Variants in DLG1 observed in about 807,000 individuals in gnomAD.
DLG1 encodes the protein disks large homolog 1.
DLG1 carries 42 observed loss-of-function variants against 123.4 expected under a neutral mutation model. The ratio of observed to expected loss-of-function variants is 0.34; its 90% confidence interval spans 0.27 to 0.44. DLG1 has a LOEUF of 0.44. Ranked by LOEUF, DLG1 falls within the 20% of genes least tolerant of loss-of-function variation. The probability of loss-of-function intolerance (pLI) is 1.00; values close to 1 mark genes in which losing one functional copy is unlikely to be tolerated. For missense variants in DLG1, 942 were observed against 1,082.6 expected, an observed-to-expected ratio of 0.87 and a Z score of 1.82; for synonymous variants, 317 against 356.2, an observed-to-expected ratio of 0.89 and a Z score of 1.24.
rs559623291 is a variant in DLG1 at position 197,122,009 on chromosome 3, AATAACATTCT to A, written c.1166-2489_1166-2480del. The stretch of plus-strand genomic sequence containing the variant: ...AATTCAACAAAACATCTAGAGATGA[AATAACATTCT>A]GAAACATTACAAGACAGAAAAATTT... On this transcript the variant is annotated intron_variant, in intron 11 of 24. Coordinates refer to ENST00000667157, the MANE Select transcript of DLG1 (RefSeq NM_001366207.1). Among the ~76,000 whole-genome samples, 92 of 152,156 alleles carry A rather than the reference AATAACATTCT, an allele frequency of 6.0e-4. 1 individual carries two copies. Among genetic ancestry groups the A allele is most frequent in the African/African-American group, 2.1e-3 (89 of 41,530 alleles).
chr3:197,125,378 T>G (rs1778501389), intron 11 of DLG1, among the ~76,000 whole-genome samples: 1 of 152,164 alleles, frequency 6.6e-6, no homozygotes, highest in African/African-American at 2.4e-5. Flanking sequence ...TAGCAGAGTT[T>G]GCCTGCACCA....
intron 4 of DLG1, among the ~76,000 whole-genome samples, chr3:197,267,390 T>A (rs1019506868): frequency 6.6e-6 from 1 of 152,158 alleles, no homozygotes; most frequent in African/African-American, 2.4e-5. Context: ...TCATACAATG[T>A]CTATAATCTC....
At chr3:197,092,129 A>G (rs959282085) in intron 14 of DLG1, among the ~76,000 whole-genome samples, 1 of 152,176 alleles carries the variant, frequency 6.6e-6, no homozygotes, top group African/African-American at 2.4e-5. Flanking sequence ...ATAAATATCA[A>G]TCCATGGCAA....
intron 22 of DLG1, among the ~76,000 whole-genome samples, chr3:197,060,559 C>T (rs1735071950): frequency 6.6e-6 from 1 of 152,130 alleles, no homozygotes; most frequent in Non-Finnish European, 1.5e-5. Flanking sequence ...TTTAAATAAA[C>T]AAATTTGTGA....
chr3:197,046,781 G>C (rs1050936428), intron 24 of DLG1, among the ~76,000 whole-genome samples: 1 of 151,818 alleles, frequency 6.6e-6, no homozygotes, highest in Non-Finnish European at 1.5e-5. Flanking sequence ...GAGGTGGGAG[G>C]ATCACTTGAG....
chr3:197,199,959 T>C (rs1724744220), intron 4 of DLG1, among the ~76,000 whole-genome samples: 1 of 152,182 alleles, frequency 6.6e-6, no homozygotes, highest in African/African-American at 2.4e-5. Context: ...CATCCTTTTT[T>C]ATGTTTTTCA....
intron 18 of DLG1, chr3:197,070,189 T>C (rs1306029981): frequency 6.6e-6 from 1 of 151,098 alleles, no homozygotes; most frequent in African/African-American, 2.4e-5. Context: ...TTTTAAAAAA[T>C]AAAAATAAAA....
At chr3:197,068,511 A>T in intron 19 of DLG1, 3 of 1,581,890 alleles carry the variant, frequency 1.9e-6, no homozygotes, top group Non-Finnish European at 2.6e-6. Flanking sequence ...CCTTTTGAGC[A>T]GCCATACTCA....
Position 197,069,207 on chromosome 3 carries a change from T to TA in DLG1, c.2047+11dup. ...CGAGATTACAAAAGAACAAGTAACTTAAAACACTTACGGTAACTACTTTCA... is the reference window on the plus strand; with the variant it reads ...CGAGATTACAAAAGAACAAGTAACTTAAAAACACTTACGGTAACTACTTTCA... On this transcript the variant is annotated intron_variant, in intron 19 of 24. Transcript: ENST00000667157. 1.9e-6 allele frequency: 3 copies of TA among 1,578,618 alleles called. No individual in the cohort carries two copies. Among genetic ancestry groups the TA allele is most frequent in the Non-Finnish European group, 2.6e-6 (3 of 1,160,062 alleles).
intron 6 of DLG1, among the ~76,000 whole-genome samples, chr3:197,147,432 G>GCGCA (rs967982862): frequency 1.3e-4 from 19 of 147,194 alleles, no homozygotes; most frequent in African/African-American, 4.3e-4. Context: ...TATATGGTGT[G>GCGCA]CACACACACA....
chr3:197,289,096 T>C (rs1291167234), intron 3 of DLG1, among the ~76,000 whole-genome samples: 4 of 152,182 alleles, frequency 2.6e-5, no homozygotes, highest in Middle Eastern at 3.2e-3. Flanking sequence ...AACAAGCCAG[T>C]TGCTTCGTCT....
At chr3:197,124,185 C>T (rs1777833090) in intron 11 of DLG1, among the ~76,000 whole-genome samples, 1 of 152,228 alleles carries the variant, frequency 6.6e-6, no homozygotes, top group South Asian at 2.1e-4. Context: ...GAACTATCAT[C>T]GTGTCACTCC....
At chr3:197,137,983 CAAAA>C (rs754605972) in intron 9 of DLG1, among the ~76,000 whole-genome samples, 2 of 149,052 alleles carry the variant, frequency 1.3e-5, no homozygotes, top group Non-Finnish European at 1.5e-5. Context: ...AAAAAACAAA[CAAAA>C]AAACCCCGCA....
intron 4 of DLG1, among the ~76,000 whole-genome samples, chr3:197,222,676 T>C (rs973845397): frequency 2.6e-5 from 4 of 152,156 alleles, no homozygotes; most frequent in African/African-American, 9.7e-5. Context: ...ACAGTACCTT[T>C]TCCAATAAAA....
chr3:197,190,243 T>C (rs1311168523), intron 5 of DLG1, among the ~76,000 whole-genome samples: 2 of 152,098 alleles, frequency 1.3e-5, no homozygotes, highest in East Asian at 1.9e-4. Context: ...AGAAGTTTAC[T>C]TGTAAATATT....
intron 11 of DLG1, among the ~76,000 whole-genome samples, 186 bp downstream of exon 11, chr3:197,130,341 C>G (rs1304519770): frequency 6.6e-6 from 1 of 151,498 alleles, no homozygotes; most frequent in African/African-American, 2.4e-5. Context: ...AAGGATCCCC[C>G]CCTTCTAATT....
At chr3:197,203,624 A>C (rs141455556) in intron 4 of DLG1, among the ~76,000 whole-genome samples, 5 of 152,326 alleles carry the variant, frequency 3.3e-5, no homozygotes, top group African/African-American at 1.2e-4. Context: ...ACATTTTAAG[A>C]TCAATAAAAT....
At chr3:197,296,895 G>A (rs567882519) in intron 2 of DLG1, 6 of 423,852 alleles carry the variant, frequency 1.4e-5, no homozygotes, top group Admixed American at 1.2e-4. Context: ...ATAGTGCTTA[G>A]TAAGAATGAT....
At chr3:197,119,201 A>C (rs1394786746) in intron 12 of DLG1, among the ~76,000 whole-genome samples, 2 of 152,202 alleles carry the variant, frequency 1.3e-5, no homozygotes, top group Non-Finnish European at 2.9e-5. Flanking sequence ...ATTAATTTTA[A>C]AAAAGGAGTG....
Sources: gnomAD v4.1 joint callset for allele counts (sites outside exome capture counted in the v4.1 genomes callset) on GRCh38, gnomAD v4.1.1 for gene constraint, MANE v1.5 for transcripts, NCBI Gene and HGNC (gene_info 2026-07-23, HGNC 2026-07-21) for gene names.